Variants in USP15 observed in about 807,000 individuals in gnomAD.
USP15 encodes the protein ubiquitin specific peptidase 15.
In USP15, 18 loss-of-function variants were observed where a neutral mutation model predicts 127.1. That is an observed-to-expected ratio of 0.14 (90% confidence interval 0.10 to 0.21). USP15 has a LOEUF of 0.21. USP15 is among the 10% of genes least tolerant of loss of function. The pLI, the probability that USP15 is intolerant of heterozygous loss-of-function variation, is 1.00. For missense variants in USP15, 805 were observed against 1,159.9 expected (o/e 0.69, Z 4.44); for synonymous variants, 364 against 393.7 (o/e 0.92, Z 0.89).
chr12:62,306,838 G>A (rs977410720), intron 3 of USP15, among the ~76,000 whole-genome samples: 3 of 152,106 alleles, frequency 2.0e-5, no homozygotes, highest in Non-Finnish European at 2.9e-5. Flanking sequence ...GTGACTGTAA[G>A]TTACCTCAGA....
rs74095745 is a variant in USP15 at position 62,391,709 on chromosome 12, T to C, written c.2234-107T>C. On this transcript the variant is annotated intron_variant, in intron 16 of 21. Transcript: ENST00000280377. ...TGTTTGCCCTAATCACCAGTACAAG[T>C]AGAAAAGATTGCTGTTTGTTTATTC... 7.3e-4 allele frequency: 759 copies of C among 1,033,012 alleles called. 7 individuals are homozygous for C. In the African/African-American group the frequency reaches 0.012, roughly 16 times the overall value. 64.0% of individuals were successfully genotyped at this position (1,033,012 alleles called of 1,614,324 possible).
At chr12:62,313,270 C>G (rs35360491) in intron 3 of USP15, among the ~76,000 whole-genome samples, 9,568 of 151,616 alleles carry the variant, frequency 0.063, 397 homozygotes, top group Middle Eastern at 0.095. Flanking sequence ...AGGAAAATAT[C>G]TATAGTATTA....
intron 8 of USP15, among the ~76,000 whole-genome samples, chr12:62,355,732 G>C (rs371253987): frequency 7.5e-5 from 11 of 147,218 alleles, no homozygotes; most frequent in African/African-American, 2.8e-4. Flanking sequence ...ATATCAGACA[G>C]AAAACTTAAG....
intron 8 of USP15, among the ~76,000 whole-genome samples, chr12:62,357,360 G>A (rs909862949): frequency 3.3e-5 from 5 of 151,990 alleles, no homozygotes; most frequent in Admixed American, 6.6e-5. Context: ...ATTTGGCATC[G>A]TTTAGCTTTC....
In USP15 at chr12:62,288,548, CAG is replaced by C. The variant is rs1255290412; in HGVS notation, c.90-5627_90-5626del. ...GGTATAAGATGATATTGTCAGCAAA[CAG>C]AGATAACTTGGCTTCCTCTTTTCCA... On this transcript the variant is annotated intron_variant, in intron 1 of 21. Coordinates refer to ENST00000280377, the MANE Select transcript of USP15 (RefSeq NM_001252078.2). Among the ~76,000 whole-genome samples, 6 of 152,184 alleles carry C rather than the reference CAG, an allele frequency of 3.9e-5. No homozygotes were observed. In the East Asian group the frequency reaches 5.8e-4, roughly 15 times the overall value.
chr12:62,314,868 A>C lies in USP15; in HGVS notation c.427A>C (p.Asn143His). Residue 143 changes from asparagine (N) to histidine (H), a missense_variant, in exon 4 of 22, where the codon AAC (asparagine) becomes CAC (histidine). Physicochemically the swap from Asn to His is moderately conservative, Grantham distance 68. This residue lies in a region of USP15 where 57 missense variants were observed against 47.3 expected (regional missense o/e 1.20). Coordinates refer to ENST00000280377, the MANE Select transcript of USP15 (RefSeq NM_001252078.2). ...AGAATTGAAGCTATGTGAAAATGGA[A>C]ACATGAATAATGTTGTAACTCGAAG... ...LTELKLCENG[N>H]MNNVVTRRFS... 1.3e-6 allele frequency: 2 copies of C among 1,598,470 alleles called. No individual in the cohort carries two copies. The highest frequency in any genetic ancestry group is 1.7e-6 in the Non-Finnish European group (2 of 1,172,496).
chr12:62,376,830 C>T (rs761967253), intron 8 of USP15, among the ~76,000 whole-genome samples: 9 of 152,128 alleles, frequency 5.9e-5, no homozygotes, highest in Non-Finnish European at 1.0e-4. Flanking sequence ...ATGCATCACT[C>T]AGTAAAGTGT....
chr12:62,385,300 G>A lies in USP15; in HGVS notation c.1473+998G>A, dbSNP rs186790119. ...GAAGATTGTTTTCTGTAAATTTTTA[G>A]CCAAATAGCTCAGTTTGTTAGTGCA... On this transcript the variant is annotated intron_variant, in intron 11 of 21. Coordinates refer to ENST00000280377, the MANE Select transcript of USP15 (RefSeq NM_001252078.2). 2.6e-5 allele frequency among the ~76,000 whole-genome samples: 4 copies of A among 151,910 alleles called. No homozygotes were observed. The East Asian group carries it at 7.7e-4, about 29-fold the overall frequency.
intron 1 of USP15, among the ~76,000 whole-genome samples, chr12:62,289,322 G>A (rs10784290): frequency 0.85 from 128,488 of 152,034 alleles, 54,463 homozygotes; most frequent in Middle Eastern, 0.9. Context: ...TTCTGGTTCA[G>A]TACAATCTTG....
rs775239452 is a variant in USP15 at position 62,389,608 on chromosome 12, A to C, written c.1561A>C (p.Ile521Leu). ...ALSGIPADKM[I>L]VTDIYNHRFH... is the part of the protein sequence containing the mutation. ...ATAGAAATTCGTTTCCTTTTAGATG[A>C]TAGTTACTGATATATACAATCATAG... The change falls in exon 13 of 22, where the codon ATA (isoleucine) becomes CTA (leucine). Residue 521 changes from isoleucine (I) to leucine (L), a missense_variant. Physicochemically the swap from Ile to Leu is conservative, Grantham distance 5. Transcript: ENST00000280377. The C allele has an allele frequency of 1.2e-6, 2 of 1,611,656 alleles. No homozygotes were observed. The highest frequency in any genetic ancestry group is 2.7e-5 in the African/African-American group (2 of 74,834).
chr12:62,371,669 T>G (rs1219743314), intron 8 of USP15, among the ~76,000 whole-genome samples: 2 of 152,188 alleles, frequency 1.3e-5, no homozygotes, highest in African/African-American at 2.4e-5. Flanking sequence ...TTTAAAAAAT[T>G]AGTCCTTTCC....
intron 1 of USP15, among the ~76,000 whole-genome samples, chr12:62,292,866 C>T (rs1342803755): frequency 1.3e-5 from 2 of 152,184 alleles, no homozygotes; most frequent in Non-Finnish European, 2.9e-5. Context: ...TGCAGCACCC[C>T]GGGTCTAACT....
At position 62,391,367 on chromosome 12, in the gene USP15, T is replaced by C; in HGVS notation, c.2171T>C (p.Ile724Thr). 1.9e-6 allele frequency: 3 copies of C among 1,613,006 alleles called. No homozygotes were observed. The highest frequency in any genetic ancestry group is 2.5e-6 in the Non-Finnish European group (3 of 1,179,512). ...FQFNNLGNTD[I>T]NYIKDDTRHI... ...TTCAACAACTTAGGCAATACTGATA[T>C]CAACTACATCAAAGATGATACCAGG... The change falls in exon 16 of 22, where the codon ATC becomes ACC. Residue 724 changes from isoleucine to threonine, a missense_variant. Physicochemically the swap from Ile to Thr is moderately conservative, Grantham distance 89. This residue lies in a region of USP15 where 225 missense variants were observed against 239.5 expected (regional missense o/e 0.94). Transcript: ENST00000280377.
chr12:62,282,904 A>G (rs568796098), intron 1 of USP15, among the ~76,000 whole-genome samples: 1 of 152,358 alleles, frequency 6.6e-6, no homozygotes, highest in Non-Finnish European at 1.5e-5. Context: ...GAATTTCTAT[A>G]CTTTTCCACA....
In USP15 at chr12:62,415,540, T is replaced by C. The variant is rs1414119243; in HGVS notation, c.*11165T>C. The C allele has an allele frequency of 6.6e-6, 1 of 152,250 alleles. No homozygotes were observed. The highest frequency in any genetic ancestry group is 1.5e-5 in the Non-Finnish European group (1 of 68,072). The allele number at this position is 152,250 out of a possible 1,614,324, so 9.4% of individuals were successfully genotyped here. A position where few individuals can be genotyped will look rare whatever the true frequency, so the allele number is the denominator to read the frequency against. ...ATAGGCTCAGGAGTTAAACCACCTC[T>C]GAGCCTACCACTTTTGTGCAACTCA... On this transcript the variant is annotated 3_prime_UTR_variant, in exon 22 of 22. Coordinates refer to ENST00000280377, the MANE Select transcript of USP15 (RefSeq NM_001252078.2).
At chr12:62,267,126 CCT>C (rs1474997486) in intron 1 of USP15, 1 of 151,560 alleles carries the variant, frequency 6.6e-6, no homozygotes, top group Non-Finnish European at 1.5e-5. Context: ...TTTTTTCTTC[CCT>C]GAGTAATGTC....
Position 62,304,879 on chromosome 12 carries a change from A to G in USP15, c.348+1959A>G, listed in dbSNP as rs114169296. 2.4e-3 allele frequency: 611 copies of G among 253,112 alleles called. 7 individuals carry two copies. Among genetic ancestry groups the G allele is most frequent in the African/African-American group, 0.013 (566 of 44,974 alleles). 15.7% of individuals were successfully genotyped at this position (253,112 alleles called of 1,614,324 possible). On this transcript the variant is annotated intron_variant, in intron 3 of 21. Transcript: ENST00000280377. Reference sequence around the variant, plus strand: ...AGAAGTAGGGCAAAACTATTAAAGAAGAAGCAAATAGAATTCTAAAACTAA... The same window carrying G: ...AGAAGTAGGGCAAAACTATTAAAGAGGAAGCAAATAGAATTCTAAAACTAA...
chr12:62,342,278 C>T (rs772205393), intron 6 of USP15, among the ~76,000 whole-genome samples: 4 of 152,070 alleles, frequency 2.6e-5, no homozygotes, highest in Non-Finnish European at 4.4e-5. Flanking sequence ...TTATGTTCCT[C>T]GCTAAACTGG....
intron 6 of USP15, among the ~76,000 whole-genome samples, chr12:62,347,113 G>C (rs1467716113): frequency 6.6e-6 from 1 of 152,008 alleles, no homozygotes; most frequent in African/African-American, 2.4e-5. Context: ...TGTATTCCCA[G>C]TACTTATCAA....
Sources: gnomAD v4.1 joint callset for allele counts (sites outside exome capture counted in the v4.1 genomes callset) on GRCh38, gnomAD v4.1.1 for gene constraint, gnomAD v4.1.1 regional missense constraint, MANE v1.5 for transcripts, NCBI Gene and HGNC (gene_info 2026-07-23, HGNC 2026-07-21) for gene names.